TTC39C: variants seen among roughly 807,000 people sequenced by gnomAD.
The protein encoded by TTC39C is tetratricopeptide repeat domain 39C.
A neutral mutation model predicts 76.3 loss-of-function variants in TTC39C; 33 were observed. That is an observed-to-expected ratio of 0.43 (90% CI 0.33 to 0.58). The LOEUF (loss-of-function observed/expected upper bound fraction) is 0.58, where lower values mean the gene tolerates loss of function less well. Ranked by LOEUF, TTC39C falls within the 20% of genes least tolerant of loss-of-function variation. The probability of loss-of-function intolerance (pLI) is 0.04; values close to 1 mark genes in which losing one functional copy is unlikely to be tolerated. For missense variants in TTC39C, 595 were observed against 701.4 expected, an observed-to-expected ratio of 0.85 and a Z score of 1.71; for synonymous variants, 254 against 260.6, an observed-to-expected ratio of 0.97 and a Z score of 0.24.
chr18:24,061,238 TTA>T (rs2084095553), intron 1 of TTC39C, among the ~76,000 whole-genome samples: 7 of 148,404 alleles, frequency 4.7e-5, no homozygotes, highest in African/African-American at 1.8e-4. Flanking sequence ...TTTTTTTTTT[TTA>T]AAAAAATAGG....
intron 1 of TTC39C, among the ~76,000 whole-genome samples, chr18:24,008,006 T>G (rs941723956): frequency 4.6e-5 from 7 of 152,224 alleles, no homozygotes; most frequent in Non-Finnish European, 7.3e-5. Context: ...AAGGTACTGA[T>G]TATCTTCATA....
intron 1 of TTC39C, among the ~76,000 whole-genome samples, chr18:23,994,739 T>TAGCAGC (rs571411235): frequency 6.6e-6 from 1 of 152,132 alleles, no homozygotes; most frequent in South Asian, 2.1e-4. Flanking sequence ...GATGAAATGC[T>TAGCAGC]AGCAGCAGCA....
intron 11 of TTC39C, 147 bp from the exon 12 acceptor site, chr18:24,130,166 G>A (rs974996676): frequency 4.8e-6 from 2 of 414,024 alleles, no homozygotes; most frequent in Admixed American, 3.9e-5. Flanking sequence ...GATGTAGATA[G>A]GAAAGAATGA....
intron 1 of TTC39C, among the ~76,000 whole-genome samples, chr18:24,019,464 A>C (rs182419344): frequency 6.6e-6 from 1 of 152,222 alleles, no homozygotes; most frequent in African/African-American, 2.4e-5. Flanking sequence ...AAATGGCGAA[A>C]ATGTATTAAA....
chr18:24,112,629 GATTA>G (rs926493981), intron 6 of TTC39C, among the ~76,000 whole-genome samples: 1 of 152,070 alleles, frequency 6.6e-6, no homozygotes, highest in Non-Finnish European at 1.5e-5. Context: ...AATGTTTCCT[GATTA>G]ATTTTCTGTC....
intron 1 of TTC39C, among the ~76,000 whole-genome samples, chr18:24,007,131 T>A (rs1269084311): frequency 2.0e-5 from 3 of 152,202 alleles, no homozygotes; most frequent in Non-Finnish European, 4.4e-5. Context: ...ACACACGGAT[T>A]GCTAAGTAAC....
intron 1 of TTC39C, among the ~76,000 whole-genome samples, chr18:24,047,518 TCATTCTTAGACTA>T (rs2083899887): frequency 6.6e-6 from 1 of 152,216 alleles, no homozygotes; most frequent in Admixed American, 6.5e-5. Context: ...TCATAAGATG[TCATTCTTAGACTA>T]TTGTATAGTG....
intron 6 of TTC39C, among the ~76,000 whole-genome samples, chr18:24,084,338 A>G (rs2084415122): frequency 6.6e-6 from 1 of 151,990 alleles, no homozygotes; most frequent in Admixed American, 6.6e-5. Context: ...ACAATAAACT[A>G]GCTGGGCATG....
intron 6 of TTC39C, among the ~76,000 whole-genome samples, chr18:24,097,134 C>T (rs141087778): frequency 2.0e-3 from 311 of 152,254 alleles, no homozygotes; most frequent in African/African-American, 7.0e-3. Flanking sequence ...TGAAGCTGTC[C>T]GGGGTGTTTT....
At chr18:24,036,675 G>A (rs1198480212) in intron 1 of TTC39C, among the ~76,000 whole-genome samples, 3 of 152,170 alleles carry the variant, frequency 2.0e-5, no homozygotes, top group African/African-American at 7.2e-5. Flanking sequence ...TTGTTGCCCA[G>A]GCTGGAGTGC....
At chr18:24,034,488 A>G (rs1408451127) in intron 1 of TTC39C, among the ~76,000 whole-genome samples, 1 of 152,254 alleles carries the variant, frequency 6.6e-6, no homozygotes, top group African/African-American at 2.4e-5. Context: ...GTGGTAAAAT[A>G]TACATGAGGT....
intron 1 of TTC39C, among the ~76,000 whole-genome samples, chr18:24,019,488 G>A (rs1449165383): frequency 1.3e-5 from 2 of 152,192 alleles, no homozygotes; most frequent in Admixed American, 1.3e-4. Flanking sequence ...CAAGAAAAAT[G>A]TATAGTAAGT....
chr18:24,126,897 A>G (rs571676143), intron 10 of TTC39C, among the ~76,000 whole-genome samples: 1 of 152,318 alleles, frequency 6.6e-6, no homozygotes, highest in Admixed American at 6.5e-5. Flanking sequence ...TAAATGTCTA[A>G]CTCAAAGGAA....
chr18:24,001,428 C>T (rs2083309572), intron 1 of TTC39C: 1 of 152,186 alleles, frequency 6.6e-6, no homozygotes, highest in East Asian at 1.9e-4. Flanking sequence ...TGGGATAAAC[C>T]AACCCTTCTG....
chr18:24,074,015 A>G (rs1038208081), intron 4 of TTC39C, among the ~76,000 whole-genome samples: 3 of 152,212 alleles, frequency 2.0e-5, no homozygotes, highest in Admixed American at 6.5e-5. Context: ...ATGTGCCCAC[A>G]TGCTGTGAGA....
chr18:24,082,187 A>G (rs774488117), intron 5 of TTC39C, among the ~76,000 whole-genome samples: 12 of 150,626 alleles, frequency 8.0e-5, no homozygotes, highest in Non-Finnish European at 3.0e-5. Context: ...TGTTTTGTTT[A>G]CCTAGTTTAA....
At chr18:24,065,476 C>T (rs2084154582) in intron 2 of TTC39C, among the ~76,000 whole-genome samples, 1 of 152,162 alleles carries the variant, frequency 6.6e-6, no homozygotes, top group African/African-American at 2.4e-5. Context: ...GATCAGGTGC[C>T]TGGAAACAAG....
chr18:24,045,308 C>T (rs554848806), intron 1 of TTC39C, among the ~76,000 whole-genome samples: 9 of 150,216 alleles, frequency 6.0e-5, no homozygotes, highest in African/African-American at 2.0e-4. Flanking sequence ...CAACCCCAGC[C>T]CACCTGAGTG....
At chr18:24,017,046 C>A (rs2083462286) in intron 1 of TTC39C, among the ~76,000 whole-genome samples, 1 of 152,198 alleles carries the variant, frequency 6.6e-6, no homozygotes, top group Non-Finnish European at 1.5e-5. Flanking sequence ...CTGCTTCCCT[C>A]ACTAAATTTA....
Sources: gnomAD v4.1 joint callset for allele counts (sites outside exome capture counted in the v4.1 genomes callset) on GRCh38, gnomAD v4.1.1 for gene constraint, MANE v1.5 for transcripts, NCBI Gene and HGNC (gene_info 2026-07-23, HGNC 2026-07-21) for gene names.